The following CSMD1 variants were observed in gnomAD, a reference collection of about 807,000 sequenced individuals.
CSMD1 encodes the protein CUB and Sushi multiple domains 1.
Under a neutral mutation model 417.5 loss-of-function variants are expected in CSMD1, and 213 were observed. The ratio of observed to expected loss-of-function variants is 0.51; its 90% CI spans 0.46 to 0.57. CSMD1 has a LOEUF of 0.57. Among genes scored for constraint, CSMD1 ranks in the 20% least tolerant of loss-of-function variants. The probability of loss-of-function intolerance (pLI) is 0.00; values close to 1 mark genes in which losing one functional copy is unlikely to be tolerated. For missense variants in CSMD1, 6,923 were observed against 4,529.7 expected (o/e 1.53, Z -15.17); for synonymous variants, 2,862 against 1,736.8 (o/e 1.65, Z -16.11).
At chr8:3,384,593 C>G (rs1810852373) in intron 18 of CSMD1, among the ~76,000 whole-genome samples, 1 of 147,374 alleles carries the variant, frequency 6.8e-6, no homozygotes, top group African/African-American at 2.5e-5. Context: ...TGGAGCATTT[C>G]TTTTCCAAAT....
intron 3 of CSMD1, among the ~76,000 whole-genome samples, chr8:4,076,587 C>G (rs1413388329): frequency 2.6e-5 from 4 of 152,170 alleles, no homozygotes; most frequent in African/African-American, 9.7e-5. Context: ...ATTAAGGATT[C>G]ATGTCCTAAA....
At chr8:4,885,337 C>T (rs1172696585) in intron 1 of CSMD1, among the ~76,000 whole-genome samples, 4 of 151,894 alleles carry the variant, frequency 2.6e-5, no homozygotes, top group South Asian at 2.1e-4. Context: ...CATTTTCTTG[C>T]CTAATATGCT....
intron 7 of CSMD1, among the ~76,000 whole-genome samples, chr8:3,637,719 G>C (rs183055443): frequency 6.6e-6 from 1 of 152,296 alleles, no homozygotes; most frequent in East Asian, 1.9e-4. Context: ...GTTAAGTAGG[G>C]ATATGGTTTG....
chr8:4,708,123 T>A (rs1382253), intron 1 of CSMD1, among the ~76,000 whole-genome samples: 139,728 of 151,970 alleles, frequency 0.92, 64,342 homozygotes, highest in East Asian at 0.97. Flanking sequence ...TTTGTATTTT[T>A]TTTTATTTTT....
chr8:4,201,540 C>CAAAAAAAA (rs1157479482), intron 3 of CSMD1, among the ~76,000 whole-genome samples: 8 of 59,030 alleles, frequency 1.4e-4, no homozygotes, highest in South Asian at 9.3e-4. Flanking sequence ...TCTGTCTCCA[C>CAAAAAAAA]AAAAAAAAAA....
chr8:3,407,096 G>A (rs1440907277), intron 14 of CSMD1, among the ~76,000 whole-genome samples: 3 of 151,958 alleles, frequency 2.0e-5, no homozygotes, highest in African/African-American at 7.3e-5. Flanking sequence ...GATGAATGGA[G>A]GGATGGATGG....
chr8:3,850,346 T>G (rs1210395772), intron 5 of CSMD1, among the ~76,000 whole-genome samples: 1 of 152,238 alleles, frequency 6.6e-6, no homozygotes, highest in Non-Finnish European at 1.5e-5. Context: ...CTCTTTCTAC[T>G]ATCCTTGCCT....
intron 1 of CSMD1, among the ~76,000 whole-genome samples, chr8:4,878,626 T>C (rs995942691): frequency 6.6e-6 from 1 of 151,968 alleles, no homozygotes; most frequent in African/African-American, 2.4e-5. Context: ...CTGGAAATTA[T>C]GCTCTCTCAA....
intron 26 of CSMD1, among the ~76,000 whole-genome samples, chr8:3,269,010 A>G (rs907392750): frequency 1.4e-4 from 21 of 152,244 alleles, no homozygotes; most frequent in African/African-American, 5.1e-4. Context: ...GCCATTTTAC[A>G]TGTCTTGATT....
chr8:4,969,364 C>A (rs577730306), intron 1 of CSMD1, among the ~76,000 whole-genome samples: 59 of 151,780 alleles, frequency 3.9e-4, no homozygotes, highest in African/African-American at 1.3e-3. Flanking sequence ...AAGCATTGTA[C>A]CCCAGATAAA....
intron 12 of CSMD1, among the ~76,000 whole-genome samples, chr8:3,412,608 A>G (rs1341821600): frequency 1.3e-5 from 2 of 152,174 alleles, no homozygotes; most frequent in African/African-American, 2.4e-5. Context: ...CAAAATGCAG[A>G]TATTTGGTTG....
At chr8:4,988,261 A>G (rs1811284136) in intron 1 of CSMD1, among the ~76,000 whole-genome samples, 1 of 152,206 alleles carries the variant, frequency 6.6e-6, no homozygotes, top group Admixed American at 6.5e-5. Flanking sequence ...TATAAGCATC[A>G]AGTATCAAAT....
At chr8:4,790,617 C>A (rs1585102845) in intron 1 of CSMD1, among the ~76,000 whole-genome samples, 1 of 152,244 alleles carries the variant, frequency 6.6e-6, no homozygotes, top group East Asian at 1.9e-4. Flanking sequence ...CAGCACGGTA[C>A]TGGTACAAAA....
chr8:3,376,429 T>C (rs557110049), intron 18 of CSMD1, among the ~76,000 whole-genome samples: 10 of 152,134 alleles, frequency 6.6e-5, no homozygotes, highest in Admixed American at 3.9e-4. Context: ...TAAATTTTTC[T>C]ACAGAACATA....
chr8:3,739,999 T>A (rs2623710), intron 6 of CSMD1, among the ~76,000 whole-genome samples: 141,939 of 152,228 alleles, frequency 0.93, 67,005 homozygotes, highest in Non-Finnish European at 1. Context: ...ATTGTCTTGG[T>A]CTCTTCTGGG....
intron 11 of CSMD1, among the ~76,000 whole-genome samples, chr8:3,482,653 A>G (rs1459717707): frequency 6.6e-6 from 1 of 152,202 alleles, no homozygotes. Flanking sequence ...ACTGACGAAT[A>G]TGGAACTCTC....
At chr8:4,427,868 G>C (rs1154053) in intron 2 of CSMD1, among the ~76,000 whole-genome samples, 128,736 of 152,134 alleles carry the variant, frequency 0.85, 54,786 homozygotes, top group African/African-American at 0.93. Context: ...GAATTTTAAA[G>C]TCAGGGATCA....
At chr8:3,603,327 T>A (rs891727202) in intron 8 of CSMD1, among the ~76,000 whole-genome samples, 1 of 152,084 alleles carries the variant, frequency 6.6e-6, no homozygotes, top group Admixed American at 6.6e-5. Context: ...TTCCTTAAAA[T>A]TTTTTTTAAG....
intron 1 of CSMD1, among the ~76,000 whole-genome samples, chr8:4,834,901 G>T (rs528722489): frequency 3.0e-4 from 39 of 128,490 alleles, no homozygotes; most frequent in African/African-American, 1.1e-3. Context: ...AGCTTGCAGT[G>T]ATCTGAGATG....
Sources: gnomAD v4.1 joint callset for allele counts (sites outside exome capture counted in the v4.1 genomes callset) on GRCh38, gnomAD v4.1.1 for gene constraint, MANE v1.5 for transcripts, NCBI Gene and HGNC (gene_info 2026-07-23, HGNC 2026-07-21) for gene names.